The following PDSS1 variants were observed in gnomAD, a reference collection of about 807,000 sequenced individuals.
The protein encoded by PDSS1 is all trans-polyprenyl-diphosphate synthase PDSS1.
A neutral mutation model predicts 57.5 loss-of-function variants in PDSS1; 43 were observed. The ratio of observed to expected loss-of-function variants is 0.75; its 90% CI spans 0.59 to 0.96. The LOEUF (loss-of-function observed/expected upper bound fraction) is 0.96. Among genes scored for constraint, PDSS1 ranks in the 50% least tolerant of loss-of-function variants. The pLI is 0.00. For missense variants in PDSS1, 438 were observed against 527.8 expected, an observed-to-expected ratio of 0.83 and a Z score of 1.67; for synonymous variants, 175 against 191.3, an observed-to-expected ratio of 0.91 and a Z score of 0.70.
chr10:26,706,392 G>A (rs1323596678), intron 4 of PDSS1, among the ~76,000 whole-genome samples: 1 of 152,168 alleles, frequency 6.6e-6, no homozygotes, highest in Non-Finnish European at 1.5e-5. Flanking sequence ...TTCAGCTCCT[G>A]CTCTGTCGCA....
rs192910124 is a variant in PDSS1 at position 26,714,150 on chromosome 10, G to A, written c.467+4382G>A. On this transcript the variant is annotated intron_variant, in intron 5 of 11. Coordinates refer to ENST00000376215, the MANE Select transcript of PDSS1 (RefSeq NM_014317.5). ...TGCAACAGAGCTCAGCAAAACCCAA[G>A]CTCATTTTATTAAAGAACCCAGATC... Among the ~76,000 whole-genome samples, 4 of 152,112 alleles carry A rather than the reference G, an allele frequency of 2.6e-5. No individual in the cohort carries two copies. The East Asian group carries it at 7.7e-4, about 29-fold the overall frequency.
At chr10:26,701,741 C>A (rs546487546) in intron 1 of PDSS1, 1 of 448,782 alleles carries the variant, frequency 2.2e-6, no homozygotes, top group South Asian at 1.6e-5. Flanking sequence ...TTGCAGCCCC[C>A]ACACGGAGTC....
intron 11 of PDSS1, among the ~76,000 whole-genome samples, chr10:26,743,237 G>C (rs1836690686): frequency 6.6e-6 from 1 of 152,168 alleles, no homozygotes; most frequent in South Asian, 2.1e-4. Context: ...CATGACTTGA[G>C]TTTTGGTGAC....
chr10:26,735,697 A>C, intron 10 of PDSS1, 118 bp downstream of exon 10: 1 of 722,132 alleles, frequency 1.4e-6, no homozygotes, highest in Non-Finnish European at 2.6e-6. Context: ...TTCAGATAAG[A>C]GATCACAGGT....
intron 4 of PDSS1, 63 bp downstream of exon 4, chr10:26,705,457 T>G: frequency 1.5e-6 from 1 of 657,382 alleles, no homozygotes; most frequent in Non-Finnish European, 2.5e-6. Context: ...AAAATTTTAT[T>G]TTATTTTTTA....
rs563602455 is a variant in PDSS1 at position 26,745,988 on chromosome 10, G to GT, written c.1108-337dup. On this transcript the variant is annotated intron_variant, in intron 11 of 11. Coordinates refer to ENST00000376215, the MANE Select transcript of PDSS1 (RefSeq NM_014317.5). The stretch of plus-strand genomic sequence containing the variant: ...TATTTTTTAAGTAAGTTTTACTTGT[G>GT]TTTTTTTTACATTTAAAAATGTTGT... Among the ~76,000 whole-genome samples the GT allele has an allele frequency of 1.9e-3, 290 of 151,700 alleles. 2 individuals carry two copies. The highest frequency in any genetic ancestry group is 3.4e-3 in the Admixed American group (52 of 15,250).
At chr10:26,709,504 T>C in intron 4 of PDSS1, 134 bp from the exon 5 acceptor site, 2 of 860,992 alleles carry the variant, frequency 2.3e-6, no homozygotes, top group East Asian at 2.5e-5. Flanking sequence ...GAGGTTACAA[T>C]GAGCTGAGAT....
chr10:26,726,699 A>C (rs528838844), intron 8 of PDSS1, among the ~76,000 whole-genome samples: 96 of 152,268 alleles, frequency 6.3e-4, no homozygotes, highest in Non-Finnish European at 1.6e-4. Context: ...TTTTTTAGTG[A>C]AAATAATATT....
chr10:26,720,407 T>A, intron 6 of PDSS1, 48 bp downstream of exon 6: 1 of 1,170,326 alleles, frequency 8.5e-7, no homozygotes, highest in Non-Finnish European at 1.3e-6. Flanking sequence ...AATCACACAC[T>A]TTTCGGACCG....
intron 8 of PDSS1, chr10:26,734,558 A>G (rs1378045514): frequency 1.3e-5 from 5 of 390,854 alleles, no homozygotes; most frequent in Non-Finnish European, 2.0e-5. Flanking sequence ...CCCCATTGAA[A>G]GGAGGGAAAA....
At chr10:26,703,723 G>C (rs1378001435) in intron 2 of PDSS1, among the ~76,000 whole-genome samples, 1 of 152,070 alleles carries the variant, frequency 6.6e-6, no homozygotes, top group African/African-American at 2.4e-5. Flanking sequence ...TAATGCTGTG[G>C]GGGAAAGAAT....
chr10:26,701,807 C>A (rs1835058688), intron 1 of PDSS1: 1 of 453,920 alleles, frequency 2.2e-6, no homozygotes, highest in Admixed American at 2.4e-5. Flanking sequence ...TGCTCTAGAC[C>A]CCAGAATGGT....
intron 1 of PDSS1, among the ~76,000 whole-genome samples, chr10:26,699,142 A>G (rs562429972): frequency 6.6e-6 from 1 of 152,248 alleles, no homozygotes; most frequent in East Asian, 1.9e-4. Context: ...TAAAAAATCT[A>G]AAGCAAAAAA....
At chr10:26,746,189 A>ACAT in intron 11 of PDSS1, 144 bp from the exon 12 acceptor site, 1 of 897,536 alleles carries the variant, frequency 1.1e-6, no homozygotes, top group Non-Finnish European at 1.8e-6. Flanking sequence ...CGGGAAAAGA[A>ACAT]CATTAGAGAT....
chr10:26,728,774 C>CTTTTTTTTTTTTTTTTT (rs33930147), intron 8 of PDSS1, among the ~76,000 whole-genome samples: 5 of 84,570 alleles, frequency 5.9e-5, no homozygotes, highest in Admixed American at 1.8e-4. Context: ...TATTCTGTAT[C>CTTTTTTTTTTTTTTTTT]TTTTTTTTTT....
In PDSS1 at chr10:26,740,141, CAA is replaced by C. The variant is rs57093244; in HGVS notation, c.1027-2339_1027-2338del. On this transcript the variant is annotated intron_variant, in intron 10 of 11. Coordinates refer to ENST00000376215, the MANE Select transcript of PDSS1 (RefSeq NM_014317.5). ...TGGATGACAGAGCGAAACTCCATCT[CAA>C]AAAAAAAAAAAAAAAATTAAAAAAT... is the stretch of plus-strand genomic sequence containing the variant. Among the ~76,000 whole-genome samples the C allele has an allele frequency of 3.3e-3, 329 of 98,400 alleles. 1 individual carries two copies. Among genetic ancestry groups the C allele is most frequent in the African/African-American group, 9.7e-3 (275 of 28,394 alleles). 64.6% of individuals were successfully genotyped at this position (98,400 alleles called of 152,430 possible).
intron 6 of PDSS1, among the ~76,000 whole-genome samples, chr10:26,721,580 C>T (rs1294790427): frequency 6.6e-6 from 1 of 152,070 alleles, no homozygotes; most frequent in African/African-American, 2.4e-5. Context: ...AAAGGTTTTA[C>T]GTCCTGTTGA....
intron 8 of PDSS1, among the ~76,000 whole-genome samples, chr10:26,733,554 A>G (rs1381373501): frequency 1.3e-5 from 2 of 152,196 alleles, no homozygotes; most frequent in African/African-American, 4.8e-5. Context: ...GACCTCATTA[A>G]GTTGTCAAAA....
At chr10:26,731,351 A>G (rs1355154749) in intron 8 of PDSS1, among the ~76,000 whole-genome samples, 2 of 152,186 alleles carry the variant, frequency 1.3e-5, no homozygotes, top group Non-Finnish European at 2.9e-5. Flanking sequence ...AAAAAAATTA[A>G]TAAATAAATA....
Sources: gnomAD v4.1 joint callset for allele counts (sites outside exome capture counted in the v4.1 genomes callset) on GRCh38, gnomAD v4.1.1 for gene constraint, MANE v1.5 for transcripts, NCBI Gene and HGNC (gene_info 2026-07-23, HGNC 2026-07-21) for gene names.